The following NCR1 variants were observed in gnomAD, a reference collection of about 807,000 sequenced individuals.
NCR1 encodes the protein NK cell-activating receptor.
Under a neutral mutation model 32.5 loss-of-function variants are expected in NCR1, and 30 were observed. The observed-to-expected ratio is 0.92, with a 90% CI of 0.69 to 1.25. The LOEUF is 1.25. Ranked by LOEUF, NCR1 falls within the 50% of genes most tolerant of loss-of-function variation. NCR1 has a pLI of 0.00. For synonymous variants in NCR1, 169 were observed against 143.4 expected, an observed-to-expected ratio of 1.18 and a Z score of -1.28; for missense variants, 369 against 380.7, an observed-to-expected ratio of 0.97 and a Z score of 0.26.
the NCR1 span, among the ~76,000 whole-genome samples, chr19:54,922,780 A>AAAG: frequency 1.9e-4 from 16 of 83,334 alleles, 1 homozygote; most frequent in African/African-American, 7.8e-4. Context: ...CTCCGTCTCA[A>AAAG]AAAAAAAAAC....
the NCR1 span, among the ~76,000 whole-genome samples, chr19:54,898,637 A>G: frequency 6.6e-6 from 1 of 152,144 alleles, no homozygotes; most frequent in South Asian, 2.1e-4. Context: ...TATATTGAGA[A>G]TAAGACGGCC....
the NCR1 span, among the ~76,000 whole-genome samples, chr19:54,922,778 C>CAGA: frequency 7.6e-5 from 3 of 39,442 alleles, no homozygotes; most frequent in African/African-American, 3.5e-4. Flanking sequence ...AACTCCGTCT[C>CAGA]AAAAAAAAAA....
chr19:54,933,791 C>T, the NCR1 span: 38 of 1,488,760 alleles, frequency 2.6e-5, no homozygotes, highest in Middle Eastern at 5.1e-4. Flanking sequence ...TCCACAACTC[C>T]AACCTGCTCA....
chr19:54,915,740 G>A (rs1012782252), downstream of NCR1: 40 of 151,570 alleles, frequency 2.6e-4, 2 homozygotes. Flanking sequence ...TACTCAGAAG[G>A]CTGAGGCAGG....
the NCR1 span, among the ~76,000 whole-genome samples, chr19:54,922,825 CAA>C: frequency 2.6e-3 from 376 of 142,960 alleles, 4 homozygotes; most frequent in African/African-American, 9.4e-3. Flanking sequence ...GAGACACATA[CAA>C]AGACAGAGAT....
At chr19:54,934,550 C>T in the NCR1 span, 2 of 1,614,070 alleles carry the variant, frequency 1.2e-6, no homozygotes, top group African/African-American at 1.3e-5. This position sits in a 1 kb window ranked among gnomAD's most constrained non-coding sequence, Gnocchi z 6.7. Context: ...ATGGCACCCT[C>T]ATCCAGGAGC....
At chr19:54,920,720 G>C (rs1045559359), downstream of NCR1, among the ~76,000 whole-genome samples, 3 of 152,164 alleles carry the variant, frequency 2.0e-5, no homozygotes, top group African/African-American at 7.2e-5. Flanking sequence ...CCCAGCTCAG[G>C]AGGCTCAGGT....
the NCR1 span, among the ~76,000 whole-genome samples, chr19:54,930,325 G>C: frequency 2.0e-5 from 3 of 151,808 alleles, no homozygotes; most frequent in Non-Finnish European, 4.4e-5. Context: ...ACCTGGCCAT[G>C]GTAATACATG....
intron 3 of NCR1, 53 bp from the exon 4 acceptor site, chr19:54,909,192 G>C: frequency 6.6e-7 from 1 of 1,511,126 alleles, no homozygotes; most frequent in Non-Finnish European, 9.0e-7. Flanking sequence ...AAAAAAAATA[G>C]CTGGCTGCTC....
chr19:54,921,309 T>C, the NCR1 span, among the ~76,000 whole-genome samples: 1 of 152,168 alleles, frequency 6.6e-6, no homozygotes, highest in African/African-American at 2.4e-5. Flanking sequence ...CCTGCATTAC[T>C]ACCAGCTGAC....
chr19:54,919,956 T>C (rs568322697), downstream of NCR1, among the ~76,000 whole-genome samples: 3 of 152,264 alleles, frequency 2.0e-5, no homozygotes, highest in Non-Finnish European at 4.4e-5. Flanking sequence ...TATGGCCTGG[T>C]TTTTCCTAGG....
At chr19:54,930,530 C>CT in the NCR1 span, 1 of 1,612,410 alleles carries the variant, frequency 6.2e-7, no homozygotes, top group Non-Finnish European at 8.5e-7. Flanking sequence ...TTTGGATTCT[C>CT]TAATGCCTGA....
chr19:54,906,297 A>T lies in NCR1; in HGVS notation c.35-2A>T. ...ACAGGTCTCATTACTCCCGTCTTCC[A>T]GGGCTGTGTCTGAGTCAGAGGATCA... On this transcript the variant is annotated splice_acceptor_variant, in intron 1 of 6. Coordinates refer to ENST00000291890, the MANE Select transcript of NCR1 (RefSeq NM_004829.7). LOFTEE classifies it high-confidence loss of function. The T allele has an allele frequency of 6.2e-7, 1 of 1,614,126 alleles. No homozygotes were observed. The highest frequency in any genetic ancestry group is 8.5e-7 in the Non-Finnish European group (1 of 1,180,040).
upstream of NCR1, among the ~76,000 whole-genome samples, chr19:54,903,327 T>C (rs1456986451): frequency 1.4e-5 from 2 of 138,748 alleles, no homozygotes; most frequent in Non-Finnish European, 3.1e-5. Flanking sequence ...CATGTATATA[T>C]ACATGTATGT....
chr19:54,920,792 G>A (rs956683327), downstream of NCR1, among the ~76,000 whole-genome samples: 13 of 152,122 alleles, frequency 8.5e-5, no homozygotes, highest in African/African-American at 2.2e-4. Flanking sequence ...ACTCCAACCC[G>A]GCTGTGGGCA....
chr19:54,916,876 G>A (rs535362393), downstream of NCR1, among the ~76,000 whole-genome samples: 7 of 150,398 alleles, frequency 4.7e-5, no homozygotes, highest in East Asian at 2.0e-4. Flanking sequence ...GAAGACCCAC[G>A]CTCCCTAAGA....
chr19:54,925,647 G>A, the NCR1 span, among the ~76,000 whole-genome samples: 2 of 152,146 alleles, frequency 1.3e-5, no homozygotes, highest in South Asian at 2.1e-4. Flanking sequence ...AGAGCAAAAC[G>A]TTGTCTCAGA....
intron 5 of NCR1, among the ~76,000 whole-genome samples, chr19:54,911,469 G>A (rs771256476): frequency 5.3e-5 from 8 of 151,856 alleles, no homozygotes; most frequent in African/African-American, 9.7e-5. Flanking sequence ...AATAGAAGAC[G>A]GGCTGGGCCG....
rs779621907 is a variant in NCR1, at chr19:54,909,331, A to G, written c.442A>G (p.Thr148Ala). Residue 148 changes from threonine to alanine, a missense_variant, in exon 4 of 7, where the codon ACT becomes GCT. Physicochemically the swap from Thr to Ala is moderately conservative, Grantham distance 58 (BLOSUM62 0). Coordinates refer to ENST00000291890, the MANE Select transcript of NCR1 (RefSeq NM_004829.7). Reference protein sequence around the residue: ...EKVTFYCRLDTATSMFLLLKE... With the variant: ...EKVTFYCRLDAATSMFLLLKE... Reference sequence around the variant, plus strand: ...GGTGACCTTCTACTGCCGTCTAGACACTGCAACAAGCATGTTCTTACTGCT... The same window carrying G: ...GGTGACCTTCTACTGCCGTCTAGACGCTGCAACAAGCATGTTCTTACTGCT... 1 of 1,614,026 alleles carries G rather than the reference A, an allele frequency of 6.2e-7. No homozygotes were observed. The highest frequency in any genetic ancestry group is 8.5e-7 in the Non-Finnish European group (1 of 1,179,982).
Sources: gnomAD v4.1 joint callset for allele counts (sites outside exome capture counted in the v4.1 genomes callset) on GRCh38, gnomAD v4.1.1 for gene constraint, Gnocchi (gnomAD v3.1) non-coding constraint, MANE v1.5 for transcripts, NCBI Gene and HGNC (gene_info 2026-07-23, HGNC 2026-07-21) for gene names.